Variants in NCOA2 observed in about 807,000 individuals in gnomAD.
NCOA2 encodes nuclear receptor coactivator 2.
In NCOA2, 21 loss-of-function variants were observed where a neutral mutation model predicts 145.1. That is an observed-to-expected ratio of 0.14 (90% confidence interval 0.10 to 0.21). The LOEUF is 0.21. Among genes scored for constraint, NCOA2 ranks in the 10% least tolerant of loss-of-function variants. The pLI is 1.00. For synonymous variants in NCOA2, 619 were observed against 637.5 expected, an observed-to-expected ratio of 0.97 and a Z score of 0.44; for missense variants, 1,472 against 1,837.6, an observed-to-expected ratio of 0.80 and a Z score of 3.64.
the NCOA2 span, among the ~76,000 whole-genome samples, chr8:70,447,237 C>G: frequency 6.6e-6 from 1 of 152,164 alleles, no homozygotes; most frequent in South Asian, 2.1e-4. Context: ...CCTGTCGTTT[C>G]TCCTTAAGAT....
chr8:70,442,888 C>T, the NCOA2 span, among the ~76,000 whole-genome samples: 3 of 152,146 alleles, frequency 2.0e-5, no homozygotes, highest in Non-Finnish European at 4.4e-5. Flanking sequence ...ATTCCAATGT[C>T]TCACATTTCA....
intron 2 of NCOA2, among the ~76,000 whole-genome samples, chr8:70,290,370 A>G (rs963925753): frequency 2.6e-5 from 4 of 151,940 alleles, no homozygotes; most frequent in Non-Finnish European, 5.9e-5. Context: ...TTGTATTTTT[A>G]GTAGACACGG....
intron 1 of NCOA2, among the ~76,000 whole-genome samples, chr8:70,341,995 T>C (rs968359322): frequency 1.3e-5 from 2 of 152,176 alleles, no homozygotes; most frequent in Non-Finnish European, 2.9e-5. Context: ...AGGATTCTTT[T>C]CTCCTAAAAA....
chr8:70,414,311 T>C, the NCOA2 span, among the ~76,000 whole-genome samples: 1 of 152,204 alleles, frequency 6.6e-6, no homozygotes, highest in Non-Finnish European at 1.5e-5. Flanking sequence ...TCCTCTTTCC[T>C]CTTCTCTCTC....
At chr8:70,287,282 T>C (rs1362748848) in intron 2 of NCOA2, among the ~76,000 whole-genome samples, 2 of 152,068 alleles carry the variant, frequency 1.3e-5, no homozygotes, top group Non-Finnish European at 2.9e-5. Flanking sequence ...AATTAGGTTT[T>C]TAAAAGTAAT....
chr8:70,166,666 T>G lies in NCOA2; in HGVS notation c.630A>C (p.Ser210=). The change falls in exon 7 of 23, where the codon TCA becomes TCC. Residue 210 remains serine, a synonymous_variant. Coordinates refer to ENST00000452400, the MANE Select transcript of NCOA2 (RefSeq NM_006540.4). ...CCTGGTTATCATGACCCTCCTCTTC[T>G]GAATCAGGTAAAGGTTTTACCAGCA... ...CRMLVKPLPD[S]EEEGHDNQEA... The G allele has an allele frequency of 6.2e-7, 1 of 1,614,034 alleles. No homozygotes were observed. The highest frequency in any genetic ancestry group is 2.2e-5 in the East Asian group (1 of 44,890).
intron 1 of NCOA2, among the ~76,000 whole-genome samples, chr8:70,316,794 C>A (rs1805616933): frequency 6.6e-6 from 1 of 152,148 alleles, no homozygotes. Context: ...AAAAGCCAAT[C>A]AAATCTATAA....
At chr8:70,288,460 G>A (rs1469707426) in intron 2 of NCOA2, among the ~76,000 whole-genome samples, 1 of 152,032 alleles carries the variant, frequency 6.6e-6, no homozygotes, top group Non-Finnish European at 1.5e-5. Flanking sequence ...CGCACCTTTA[G>A]TCACAGCTAC....
At chr8:70,159,050 C>T (rs1812591252) in intron 10 of NCOA2, among the ~76,000 whole-genome samples, 1 of 151,100 alleles carries the variant, frequency 6.6e-6, no homozygotes. Flanking sequence ...CACCCTGCCC[C>T]CACGCTGCAG....
At chr8:70,361,473 A>G (rs2131024243) in intron 1 of NCOA2, among the ~76,000 whole-genome samples, 1 of 152,250 alleles carries the variant, frequency 6.6e-6, no homozygotes, top group Middle Eastern at 3.4e-3. Context: ...TCCGTCTCAA[A>G]AAAGAAAAAA....
the NCOA2 span, among the ~76,000 whole-genome samples, chr8:70,431,404 T>C: frequency 6.6e-6 from 1 of 152,190 alleles, no homozygotes; most frequent in African/African-American, 2.4e-5. Flanking sequence ...TGCTGTACAT[T>C]GAAACATAAA....
chr8:70,159,243 T>TATATATATATATA (rs869045939), intron 10 of NCOA2, among the ~76,000 whole-genome samples: 29 of 82,040 alleles, frequency 3.5e-4, no homozygotes, highest in African/African-American at 1.4e-3. Context: ...TATATATATA[T>TATATATATATATA]TTTTTTTTTT....
intron 2 of NCOA2, among the ~76,000 whole-genome samples, chr8:70,262,882 G>C (rs1480674435): frequency 6.6e-6 from 1 of 151,914 alleles, no homozygotes; most frequent in East Asian, 1.9e-4. Flanking sequence ...TACCTATAAA[G>C]TTTAACTTAT....
intron 20 of NCOA2, 129 bp downstream of exon 20, chr8:70,124,559 T>C (rs1808192838): frequency 2.1e-6 from 2 of 946,132 alleles, no homozygotes; most frequent in Non-Finnish European, 3.0e-6. Context: ...GGCGGTGACC[T>C]AGAAGCCATC....
At chr8:70,354,136 A>G (rs996593457) in intron 1 of NCOA2, among the ~76,000 whole-genome samples, 7 of 152,232 alleles carry the variant, frequency 4.6e-5, no homozygotes, top group African/African-American at 1.7e-4. Flanking sequence ...CCCATTACAG[A>G]GCATCACCAA....
chr8:70,131,536 C>G (rs1234401915), intron 16 of NCOA2, among the ~76,000 whole-genome samples: 2 of 152,176 alleles, frequency 1.3e-5, no homozygotes. Context: ...TTCTCTGTAT[C>G]TTGTGTGTCC....
At chr8:70,390,681 C>G (rs1813116651) in intron 1 of NCOA2, among the ~76,000 whole-genome samples, 1 of 152,030 alleles carries the variant, frequency 6.6e-6, no homozygotes, top group South Asian at 2.1e-4. Flanking sequence ...GTGAGAGGAT[C>G]ACTTGAGCCC....
upstream of NCOA2, chr8:70,403,950 C>T (rs915020445): frequency 8.0e-5 from 30 of 376,278 alleles, no homozygotes; most frequent in Non-Finnish European, 1.3e-4. Context: ...GGAGCCAGGC[C>T]GTCCCTCCCT....
chr8:70,243,972 G>C (rs73684237), intron 2 of NCOA2, among the ~76,000 whole-genome samples: 1 of 151,356 alleles, frequency 6.6e-6, no homozygotes, highest in Non-Finnish European at 1.5e-5. Flanking sequence ...GATATGGCTT[G>C]TAGATATAAA....
Sources: allele counts gnomAD v4.1 joint callset (sites outside exome capture counted in the v4.1 genomes callset), GRCh38; gene constraint gnomAD v4.1.1; transcripts MANE v1.5; gene names NCBI Gene and HGNC (gene_info 2026-07-23, HGNC 2026-07-21).